CUL2: variants seen among roughly 807,000 people sequenced by gnomAD.
CUL2 encodes cullin-2.
In CUL2, 22 loss-of-function variants were observed where a neutral mutation model predicts 110.2. That is an observed-to-expected ratio of 0.20 (90% CI 0.14 to 0.28). The LOEUF (loss-of-function observed/expected upper bound fraction) is 0.28, where lower values mean the gene tolerates loss of function less well. Among genes scored for constraint, CUL2 ranks in the 10% least tolerant of loss-of-function variants. CUL2 has a pLI of 1.00. For missense variants in CUL2, 631 were observed against 905.5 expected (o/e 0.70, Z 3.89); for synonymous variants, 279 against 293.2 (o/e 0.95, Z 0.49).
chr10:35,075,751 T>C (rs1320010141), intron 1 of CUL2, among the ~76,000 whole-genome samples: 1 of 151,862 alleles, frequency 6.6e-6, no homozygotes, highest in Non-Finnish European at 1.5e-5. Context: ...CCAGAAAACA[T>C]TATGTCAACA....
chr10:35,097,985 T>A (rs1212873379), intron 2 of CUL2: 3 of 151,672 alleles, frequency 2.0e-5, no homozygotes, highest in Middle Eastern at 3.2e-3. Context: ...TAAATAAAAT[T>A]AAATAAATAA....
At chr10:35,081,449 A>G (rs1029658172) in intron 1 of CUL2, among the ~76,000 whole-genome samples, 13 of 152,196 alleles carry the variant, frequency 8.5e-5, no homozygotes, top group Non-Finnish European at 1.3e-4. Flanking sequence ...ACATTTTTAA[A>G]AAAAACTATT....
chr10:35,021,546 T>C (rs148753017), intron 17 of CUL2, among the ~76,000 whole-genome samples: 6 of 152,062 alleles, frequency 3.9e-5, no homozygotes, highest in Non-Finnish European at 8.8e-5. Context: ...AATTTTAATG[T>C]ATGAATATGT....
chr10:35,068,240 G>A (rs1308392330), intron 2 of CUL2, among the ~76,000 whole-genome samples: 2 of 151,508 alleles, frequency 1.3e-5, no homozygotes, highest in Non-Finnish European at 2.9e-5. Flanking sequence ...TGGCCAACAT[G>A]GCAAAACCCC....
intron 17 of CUL2, among the ~76,000 whole-genome samples, chr10:35,022,152 G>A (rs887207582): frequency 2.0e-5 from 3 of 152,046 alleles, no homozygotes; most frequent in Non-Finnish European, 4.4e-5. Flanking sequence ...TCCACTTGGC[G>A]TTTAGAAGTA....
chr10:35,016,639 C>T (rs1466481728), intron 17 of CUL2, among the ~76,000 whole-genome samples: 2 of 152,070 alleles, frequency 1.3e-5, no homozygotes, highest in East Asian at 1.9e-4. Flanking sequence ...TTAAAACAGT[C>T]TTTAAGGCCA....
At chr10:35,123,742 T>C (rs1324878272) in intron 1 of CUL2, among the ~76,000 whole-genome samples, 2 of 152,156 alleles carry the variant, frequency 1.3e-5, no homozygotes, top group Non-Finnish European at 2.9e-5. Context: ...ACAAGACATG[T>C]AGTTTTGAAC....
chr10:35,078,716 G>A (rs578087177), intron 1 of CUL2, among the ~76,000 whole-genome samples: 1 of 152,256 alleles, frequency 6.6e-6, no homozygotes, highest in African/African-American at 2.4e-5. Flanking sequence ...GCATTTTGGT[G>A]TTTTGTATTT....
chr10:35,104,433 C>A (rs1384105592), intron 1 of CUL2, among the ~76,000 whole-genome samples: 1 of 152,032 alleles, frequency 6.6e-6, no homozygotes, highest in African/African-American at 2.4e-5. Flanking sequence ...GAAGATGGCC[C>A]CAGACATTAC....
intron 8 of CUL2, among the ~76,000 whole-genome samples, chr10:35,040,643 G>A (rs150422388): frequency 1.2e-4 from 18 of 152,228 alleles, no homozygotes; most frequent in Middle Eastern, 3.4e-3. Context: ...GACTCAGGTC[G>A]GGCAAGAAGG....
In CUL2 at chr10:35,009,665, T is replaced by G. The variant is rs763596585; in HGVS notation, c.*646A>C. On this transcript the variant is annotated 3_prime_UTR_variant, in exon 21 of 21. Coordinates refer to ENST00000374749, the MANE Select transcript of CUL2 (RefSeq NM_003591.4). ...ATCCAATATATCTAATCCATAAAAATAAAGCATTCTTTATGCTGAATGCAG... is the reference window on the plus strand; with the variant it reads ...ATCCAATATATCTAATCCATAAAAAGAAAGCATTCTTTATGCTGAATGCAG... 1 of 152,418 alleles carries G rather than the reference T, an allele frequency of 6.6e-6. No homozygotes were observed. The allele number at this position is 152,418 out of a possible 1,614,324, so 9.4% of individuals were successfully genotyped here.
intron 5 of CUL2, among the ~76,000 whole-genome samples, chr10:35,051,596 G>A (rs1195976340): frequency 6.6e-6 from 1 of 152,210 alleles, no homozygotes; most frequent in African/African-American, 2.4e-5. Flanking sequence ...CTGGGCGACA[G>A]CAAGACTCCG....
intron 3 of CUL2, among the ~76,000 whole-genome samples, chr10:35,062,482 C>CT (rs1197605138): frequency 6.6e-6 from 1 of 152,136 alleles, no homozygotes; most frequent in Non-Finnish European, 1.5e-5. Context: ...CCTTCATTTA[C>CT]TAATTACGAG....
At chr10:35,027,893 A>T (rs751105475) in intron 16 of CUL2, among the ~76,000 whole-genome samples, 33 of 152,232 alleles carry the variant, frequency 2.2e-4, no homozygotes, top group Admixed American at 2.6e-4. Flanking sequence ...CTATACATCA[A>T]CAAATAAAGT....
chr10:35,011,345 T>C (rs750326348), intron 20 of CUL2, among the ~76,000 whole-genome samples: 40 of 151,602 alleles, frequency 2.6e-4, no homozygotes, highest in Non-Finnish European at 5.0e-4. Context: ...CCACTGGGCA[T>C]GGTGGCTCAC....
chr10:35,070,704 C>CA lies in CUL2; in HGVS notation c.119+494dup, dbSNP rs2086655215. ...TCTCCAGCAAGCACACTCTTCCCCC[C>CA]AAAATCACATGGCTTGCTCCCTCGC... is the stretch of plus-strand genomic sequence containing the variant. On this transcript the variant is annotated intron_variant, in intron 2 of 20. Coordinates refer to ENST00000374749, the MANE Select transcript of CUL2 (RefSeq NM_003591.4). Among the ~76,000 whole-genome samples the CA allele has an allele frequency of 2.0e-5, 3 of 152,288 alleles. No homozygotes were observed. In the South Asian group the frequency reaches 6.2e-4, roughly 32 times the overall value.
At chr10:35,038,007 G>C (rs1347320095) in intron 9 of CUL2, among the ~76,000 whole-genome samples, 1 of 151,900 alleles carries the variant, frequency 6.6e-6, no homozygotes, top group African/African-American at 2.4e-5. Context: ...ACAAAAATTA[G>C]CTGGATGTGA....
At chr10:35,111,841 G>A (rs2087527427) in intron 1 of CUL2, among the ~76,000 whole-genome samples, 1 of 152,216 alleles carries the variant, frequency 6.6e-6, no homozygotes. Context: ...AGTGAGCTGA[G>A]ATCGCATCAT....
At chr10:35,123,697 A>C (rs1311095441) in intron 1 of CUL2, among the ~76,000 whole-genome samples, 2 of 152,212 alleles carry the variant, frequency 1.3e-5, no homozygotes, top group Admixed American at 1.3e-4. Flanking sequence ...AAACAACAAT[A>C]AAAAATCAAG....
Sources: allele counts gnomAD v4.1 joint callset (sites outside exome capture counted in the v4.1 genomes callset), GRCh38; gene constraint gnomAD v4.1.1; transcripts MANE v1.5; gene names NCBI Gene and HGNC (gene_info 2026-07-23, HGNC 2026-07-21).